RPTOR: variants seen among roughly 807,000 people sequenced by gnomAD.
The protein encoded by RPTOR is regulatory-associated protein of mTOR.
A neutral mutation model predicts 169.9 loss-of-function variants in RPTOR; 21 were observed. The ratio of observed to expected loss-of-function variants is 0.12; its 90% CI spans 0.09 to 0.18. The LOEUF (loss-of-function observed/expected upper bound fraction) is 0.18, where lower values mean the gene tolerates loss of function less well. Among genes scored for constraint, RPTOR ranks in the 10% least tolerant of loss-of-function variants. RPTOR has a pLI of 1.00. For synonymous variants in RPTOR, 732 were observed against 753.2 expected, an observed-to-expected ratio of 0.97 and a Z score of 0.46; for missense variants, 1,133 against 1,855.9, an observed-to-expected ratio of 0.61 and a Z score of 7.16.
chr17:80,661,857 C>G (rs1265946597), intron 3 of RPTOR, among the ~76,000 whole-genome samples: 1 of 152,072 alleles, frequency 6.6e-6, no homozygotes. Context: ...GCATTTGGAC[C>G]CTGCACCGCT....
intron 7 of RPTOR, among the ~76,000 whole-genome samples, chr17:80,817,516 C>T (rs989341349): frequency 6.6e-6 from 1 of 151,474 alleles, no homozygotes; most frequent in Non-Finnish European, 1.5e-5. Context: ...GCACCTGCCA[C>T]GTGGGCACCT....
At chr17:80,588,202 G>T (rs988917127) in intron 1 of RPTOR, among the ~76,000 whole-genome samples, 1 of 144,488 alleles carries the variant, frequency 6.9e-6, no homozygotes, top group Non-Finnish European at 1.5e-5. Context: ...TCGCCATGTC[G>T]CCCCGGCTGG....
intron 1 of RPTOR, among the ~76,000 whole-genome samples, chr17:80,586,884 C>T (rs2065065126): frequency 6.6e-6 from 1 of 152,230 alleles, no homozygotes; most frequent in Non-Finnish European, 1.5e-5. Context: ...GTTCCTGTTC[C>T]TTGGACTGGA....
intron 10 of RPTOR, among the ~76,000 whole-genome samples, chr17:80,841,892 C>G (rs1240275405): frequency 8.5e-6 from 1 of 118,152 alleles, no homozygotes; most frequent in Non-Finnish European, 1.7e-5. Flanking sequence ...TCACTCTTAC[C>G]GCACGGCAGC....
rs755024166 is a variant in RPTOR, at chr17:80,964,361, C to T, written c.*31C>T. The T allele has an allele frequency of 1.1e-5, 17 of 1,599,054 alleles. 1 individual carries two copies. The highest frequency in any genetic ancestry group is 3.3e-5 in the South Asian group (3 of 91,026). ...TGACCCGGGCCCACCAGGCCACGGC[C>T]GCCTGCTGTACATAGTGAAGCTGTC... On this transcript the variant is annotated 3_prime_UTR_variant, in exon 34 of 34. Coordinates refer to ENST00000306801, the MANE Select transcript of RPTOR (RefSeq NM_020761.3).
At position 80,953,527 on chromosome 17, in the gene RPTOR, A is replaced by G. The variant is rs543798125; in HGVS notation, c.3370+3980A>G. Among the ~76,000 whole-genome samples the G allele has an allele frequency of 3.8e-4, 58 of 152,330 alleles. 1 individual carries two copies. The highest frequency in any genetic ancestry group is 5.3e-4 in the Non-Finnish European group (36 of 68,034). ...CTTGTGGATCTGCCCCAGGTCTCAG[A>G]GTGGGGCCTCAGGGCCTCCTGGCGC... On this transcript the variant is annotated intron_variant, in intron 28 of 33. Transcript: ENST00000306801.
rs571361800 is a variant in RPTOR, at chr17:80,915,862, G to A, written c.2521-6862G>A. On this transcript the variant is annotated intron_variant, in intron 21 of 33. Coordinates refer to ENST00000306801, the MANE Select transcript of RPTOR (RefSeq NM_020761.3). The stretch of plus-strand genomic sequence containing the variant: ...CACTCCAGGGTCTCCTCTCTGCTGA[G>A]AGCTGAGCAGACGTCGGGAAAACCA... 4.7e-3 allele frequency among the ~76,000 whole-genome samples: 711 copies of A among 151,896 alleles called. 7 individuals are homozygous for A. Among genetic ancestry groups the A allele is most frequent in the Non-Finnish European group, 5.5e-3 (375 of 67,904 alleles).
At chr17:80,817,993 G>A (rs1276913731) in intron 7 of RPTOR, among the ~76,000 whole-genome samples, 1 of 152,224 alleles carries the variant, frequency 6.6e-6, no homozygotes, top group Admixed American at 6.5e-5. Context: ...CATGCCACAG[G>A]TGAGCCCGGA....
chr17:80,777,938 C>G (rs1388180291), intron 6 of RPTOR, among the ~76,000 whole-genome samples: 6 of 152,176 alleles, frequency 3.9e-5, no homozygotes, highest in Non-Finnish European at 7.4e-5. Flanking sequence ...AGGGAAGGAG[C>G]TCTTTCCCTA....
intron 3 of RPTOR, among the ~76,000 whole-genome samples, chr17:80,674,807 A>C (rs868221481): frequency 1.1e-4 from 12 of 109,568 alleles, no homozygotes; most frequent in East Asian, 9.9e-4. Flanking sequence ...AAAAAAAAAA[A>C]AAAAAAAAAA....
rs116631282 is a variant in RPTOR at position 80,679,911 on chromosome 17, C to T, written c.349-27930C>T. Among the ~76,000 whole-genome samples the T allele has an allele frequency of 2.1e-3, 282 of 132,852 alleles. 1 individual carries two copies. The highest frequency in any genetic ancestry group is 9.0e-3 in the African/African-American group (264 of 29,474). 87.2% of individuals were successfully genotyped at this position (132,852 alleles called of 152,430 possible). A position where few individuals can be genotyped will look rare whatever the true frequency, so the allele number is the denominator to read the frequency against. ...CAGGCTGGGTGAGGTGTCCTCTCCA[C>T]GGTTCCCCAGAGCCCAGAGAGGCGG... On this transcript the variant is annotated intron_variant, in intron 3 of 33. Coordinates refer to ENST00000306801, the MANE Select transcript of RPTOR (RefSeq NM_020761.3).
chr17:80,618,672 G>A (rs1414599149), intron 1 of RPTOR, among the ~76,000 whole-genome samples: 3 of 152,226 alleles, frequency 2.0e-5, no homozygotes, highest in Non-Finnish European at 4.4e-5. Flanking sequence ...TAAAAAAAGA[G>A]TAGTACTTAA....
At chr17:80,750,915 A>G (rs747799611) in intron 5 of RPTOR, among the ~76,000 whole-genome samples, 3 of 152,174 alleles carry the variant, frequency 2.0e-5, no homozygotes, top group African/African-American at 2.4e-5. Flanking sequence ...GTAATTTATC[A>G]TCATAAAAAA....
intron 6 of RPTOR, among the ~76,000 whole-genome samples, chr17:80,782,179 C>A (rs1024705284): frequency 8.5e-5 from 13 of 152,174 alleles, no homozygotes; most frequent in Non-Finnish European, 1.6e-4. Context: ...GCAGAGGCAG[C>A]GGCTGGTTTC....
intron 13 of RPTOR, among the ~76,000 whole-genome samples, chr17:80,867,045 GAC>G (rs2068000830): frequency 6.6e-6 from 1 of 152,166 alleles, no homozygotes; most frequent in African/African-American, 2.4e-5. Context: ...CCAAAGGTTA[GAC>G]ACACGTTACA....
intron 8 of RPTOR, among the ~76,000 whole-genome samples, chr17:80,822,770 GTA>G (rs1284736484): frequency 7.0e-6 from 1 of 143,404 alleles, no homozygotes; most frequent in Non-Finnish European, 1.5e-5. Context: ...GTGTATTTGT[GTA>G]TGTGTACACC....
At chr17:80,809,508 C>T (rs2067252318) in intron 7 of RPTOR, among the ~76,000 whole-genome samples, 1 of 152,188 alleles carries the variant, frequency 6.6e-6, no homozygotes, top group African/African-American at 2.4e-5. Context: ...CGAAGTATAA[C>T]ACAATATCAT....
chr17:80,634,196 GCA>G (rs2065465961), intron 2 of RPTOR, among the ~76,000 whole-genome samples: 2 of 137,664 alleles, frequency 1.5e-5, no homozygotes, highest in African/African-American at 2.7e-5. Context: ...TACTGTGTGT[GCA>G]TACTGTGTGT....
intron 33 of RPTOR, 89 bp from the exon 34 acceptor site, chr17:80,964,173 C>T: frequency 2.7e-6 from 3 of 1,115,684 alleles, no homozygotes; most frequent in Non-Finnish European, 4.0e-6. Flanking sequence ...CAGGAGCTGC[C>T]TAAGGATGCG....
Sources: allele counts gnomAD v4.1 joint callset (sites outside exome capture counted in the v4.1 genomes callset), GRCh38; gene constraint gnomAD v4.1.1; transcripts MANE v1.5; gene names NCBI Gene and HGNC (gene_info 2026-07-23, HGNC 2026-07-21).